Variants in CEMIP observed in about 807,000 individuals in gnomAD.
The protein encoded by CEMIP is cell migration-inducing and hyaluronan-binding protein.
In CEMIP, 105 loss-of-function variants were observed where a neutral mutation model predicts 156.9. That is an observed-to-expected ratio of 0.67 (90% confidence interval 0.57 to 0.79). The LOEUF is 0.79. CEMIP is among the 30% of genes least tolerant of loss of function. The pLI is 0.00. For missense variants in CEMIP, 1,457 were observed against 1,769.4 expected, an observed-to-expected ratio of 0.82 and a Z score of 3.17; for synonymous variants, 676 against 668.4, an observed-to-expected ratio of 1.01 and a Z score of -0.17.
At chr15:80,845,712 C>T (rs1040484705) in intron 1 of CEMIP, among the ~76,000 whole-genome samples, 1 of 152,186 alleles carries the variant, frequency 6.6e-6, no homozygotes, top group Non-Finnish European at 1.5e-5. Context: ...AACCTTCCCA[C>T]AGTGACTTTG....
At chr15:80,890,995 C>T (rs1899015962) in intron 10 of CEMIP, among the ~76,000 whole-genome samples, 1 of 152,216 alleles carries the variant, frequency 6.6e-6, no homozygotes. Flanking sequence ...GCACTGATCC[C>T]CCACAGCACA....
intron 1 of CEMIP, among the ~76,000 whole-genome samples, chr15:80,834,852 C>A (rs7172456): frequency 0.52 from 78,941 of 151,738 alleles, 20,614 homozygotes; most frequent in East Asian, 0.59. Flanking sequence ...GGAAAAAAAA[C>A]CAAATATTTA....
intron 29 of CEMIP, chr15:80,948,524 T>C (rs758222224): frequency 9.5e-5 from 47 of 492,622 alleles, no homozygotes; most frequent in East Asian, 2.0e-4. Context: ...GTTTGCCCCA[T>C]TTCCTGCTGT....
chr15:80,916,358 C>T (rs1229478353), intron 14 of CEMIP, among the ~76,000 whole-genome samples: 1 of 152,222 alleles, frequency 6.6e-6, no homozygotes, highest in Non-Finnish European at 1.5e-5. Flanking sequence ...CCACACGTAA[C>T]AACAACTGAA....
chr15:80,877,920 C>T (rs1281004852), intron 3 of CEMIP, among the ~76,000 whole-genome samples: 1 of 152,222 alleles, frequency 6.6e-6, no homozygotes, highest in East Asian at 1.9e-4. Flanking sequence ...GTCCTGGCAG[C>T]CTTCCAGACA....
intron 1 of CEMIP, among the ~76,000 whole-genome samples, chr15:80,844,637 C>T (rs1897510428): frequency 6.6e-6 from 1 of 152,234 alleles, no homozygotes; most frequent in African/African-American, 2.4e-5. Context: ...AGCAGCTCCA[C>T]TGTTGCAGAA....
rs79141382 is a variant in CEMIP, at chr15:80,860,523, G to A, written c.-175-13015G>A. Among the ~76,000 whole-genome samples, 868 of 152,278 alleles carry A rather than the reference G, an allele frequency of 5.7e-3. 3 individuals carry two copies. Among genetic ancestry groups the A allele is most frequent in the Non-Finnish European group, 9.3e-3 (634 of 68,018 alleles). ...ATGAGAATGGAACAATGCTTGCTGCGGACTTTATTTAAGCCAGCACGGCAG... is the reference window on the plus strand; with the variant it reads ...ATGAGAATGGAACAATGCTTGCTGCAGACTTTATTTAAGCCAGCACGGCAG... On this transcript the variant is annotated intron_variant, in intron 1 of 29. Transcript: ENST00000394685.
chr15:80,894,866 T>C, intron 10 of CEMIP, 124 bp from the exon 11 acceptor site: 3 of 1,189,872 alleles, frequency 2.5e-6, no homozygotes, highest in Non-Finnish European at 3.7e-6. Flanking sequence ...CTCGGGCCGT[T>C]GTAAATAGTG....
intron 1 of CEMIP, among the ~76,000 whole-genome samples, chr15:80,833,294 C>T (rs1897196955): frequency 6.6e-6 from 1 of 150,730 alleles, no homozygotes; most frequent in South Asian, 2.1e-4. Flanking sequence ...CTCCAGTTTG[C>T]TGGGTCCCCT....
intron 1 of CEMIP, among the ~76,000 whole-genome samples, chr15:80,793,633 CAAACTGGGAT>C (rs1896140073): frequency 6.6e-6 from 1 of 152,180 alleles, no homozygotes; most frequent in Non-Finnish European, 1.5e-5. Flanking sequence ...AAGTTTGAGA[CAAACTGGGAT>C]AAACAAAGTT....
chr15:80,817,639 A>AATT (rs1415427322), intron 1 of CEMIP, among the ~76,000 whole-genome samples: 2 of 141,798 alleles, frequency 1.4e-5, no homozygotes, highest in African/African-American at 5.3e-5. Flanking sequence ...TAATAATAAT[A>AATT]ATATGTAAGT....
intron 1 of CEMIP, among the ~76,000 whole-genome samples, chr15:80,826,847 A>C (rs955922417): frequency 6.6e-6 from 1 of 151,844 alleles, no homozygotes; most frequent in South Asian, 2.1e-4. Context: ...CTCTCCCTTC[A>C]TTTCTTAGCT....
intron 1 of CEMIP, among the ~76,000 whole-genome samples, chr15:80,861,481 T>C (rs140031470): frequency 6.6e-5 from 10 of 152,218 alleles, no homozygotes; most frequent in African/African-American, 2.4e-4. Flanking sequence ...AAGCACTGAT[T>C]TTCTCCTCTT....
intron 14 of CEMIP, among the ~76,000 whole-genome samples, chr15:80,913,724 G>A (rs964536332): frequency 1.3e-5 from 2 of 152,138 alleles, no homozygotes; most frequent in African/African-American, 4.8e-5. Flanking sequence ...TGTAAACATC[G>A]CTGGTTCTGT....
In CEMIP at chr15:80,830,001, T is replaced by TGTGC. The variant is rs1297001861; in HGVS notation, c.-175-43536_-175-43535insTGCG. 2.6e-3 allele frequency among the ~76,000 whole-genome samples: 208 copies of TGTGC among 81,498 alleles called. 2 individuals carry two copies. Among genetic ancestry groups the TGTGC allele is most frequent in the Middle Eastern group, 6.8e-3 (1 of 148 alleles). The allele number at this position is 81,498 out of a possible 152,430, so 53.5% of individuals were successfully genotyped here. ...GTGTGTGTGTGTGTGTGTGTGTGTGTGCGCGCATGTCCTTCCAATAAGCAA... is the reference window on the plus strand; with the variant it reads ...GTGTGTGTGTGTGTGTGTGTGTGTGTGTGCGCGCGCATGTCCTTCCAATAAGCAA... On this transcript the variant is annotated intron_variant, in intron 1 of 29. Transcript: ENST00000394685.
rs1047493136 is a variant in CEMIP, at chr15:80,943,483, A to G, written c.3857+381A>G. Among the ~76,000 whole-genome samples, 3 of 152,244 alleles carry G rather than the reference A, an allele frequency of 2.0e-5. No individual in the cohort carries two copies. In the East Asian group the frequency reaches 5.8e-4, roughly 29 times the overall value. On this transcript the variant is annotated intron_variant, in intron 28 of 29. Transcript: ENST00000394685. ...TCCTAAGCACCAGACATTCCAGTCC[A>G]ACTGCTACTTGGACAACGCCACCTG...
intron 1 of CEMIP, among the ~76,000 whole-genome samples, chr15:80,798,629 T>A (rs2141596516): frequency 6.6e-6 from 1 of 152,322 alleles, no homozygotes; most frequent in Non-Finnish European, 1.5e-5. Context: ...AGCCATCCTA[T>A]GTATTTGTTT....
intron 18 of CEMIP, 105 bp from the exon 19 acceptor site, chr15:80,925,519 T>C: frequency 6.7e-7 from 1 of 1,501,022 alleles, no homozygotes; most frequent in South Asian, 1.2e-5. Context: ...GTCAATGCCT[T>C]CCTGGGCACT....
chr15:80,915,205 T>C (rs1900225260), intron 14 of CEMIP, among the ~76,000 whole-genome samples: 1 of 152,258 alleles, frequency 6.6e-6, no homozygotes, highest in African/African-American at 2.4e-5. Context: ...ATTTCTAATC[T>C]TGTGGCTAAT....
Sources: allele counts gnomAD v4.1 joint callset (sites outside exome capture counted in the v4.1 genomes callset), GRCh38; gene constraint gnomAD v4.1.1; transcripts MANE v1.5; gene names NCBI Gene and HGNC (gene_info 2026-07-23, HGNC 2026-07-21).